WDR47: variants seen among roughly 807,000 people sequenced by gnomAD.
WDR47 encodes the protein WD repeat domain 47, also known as WD repeat-containing protein 47.
In WDR47, 32 loss-of-function variants were observed where a neutral mutation model predicts 97.2. That is an observed-to-expected ratio of 0.33 (90% CI 0.25 to 0.44). The LOEUF is 0.44. WDR47 is among the 20% of genes least tolerant of loss of function. The pLI is 1.00. For missense variants in WDR47, 782 were observed against 1,102.3 expected, an observed-to-expected ratio of 0.71 and a Z score of 4.11; for synonymous variants, 375 against 373.5, an observed-to-expected ratio of 1.00 and a Z score of -0.05.
At chr1:109,017,407 T>A in intron 3 of WDR47, 111 bp downstream of exon 3, 1 of 854,642 alleles carries the variant, frequency 1.2e-6, no homozygotes, top group Non-Finnish European at 1.9e-6. Flanking sequence ...ATTTGTTTAC[T>A]CTCTGTTCAA....
At chr1:109,001,208 G>A (rs770698127) in intron 7 of WDR47, among the ~76,000 whole-genome samples, 4 of 152,054 alleles carry the variant, frequency 2.6e-5, no homozygotes, top group Admixed American at 6.6e-5. Flanking sequence ...AGAATTGCTC[G>A]AACTCAGGAG....
At chr1:109,018,274 C>G (rs1661566090) in intron 2 of WDR47, among the ~76,000 whole-genome samples, 1 of 151,626 alleles carries the variant, frequency 6.6e-6, no homozygotes, top group Non-Finnish European at 1.5e-5. Context: ...CATGGCGAAA[C>G]CCCGTCTCTA....
At chr1:109,022,858 T>C (rs1557956758) in intron 2 of WDR47, among the ~76,000 whole-genome samples, 1 of 151,058 alleles carries the variant, frequency 6.6e-6, no homozygotes, top group African/African-American at 2.4e-5. Context: ...AGTGCTGGGA[T>C]TACAGGCGTG....
intron 5 of WDR47, among the ~76,000 whole-genome samples, chr1:109,007,083 A>G (rs1050148867): frequency 2.0e-5 from 3 of 150,514 alleles, no homozygotes; most frequent in African/African-American, 7.3e-5. Context: ...GACTACAGGC[A>G]CACGCCACCA....
intron 7 of WDR47, among the ~76,000 whole-genome samples, chr1:109,000,915 G>T (rs337298): frequency 0.87 from 132,520 of 152,184 alleles, 58,060 homozygotes; most frequent in East Asian, 1. Flanking sequence ...CAGAACTGTT[G>T]TAAGCACATT....
At chr1:109,038,779 C>T (rs534759696) in intron 1 of WDR47, among the ~76,000 whole-genome samples, 13 of 152,236 alleles carry the variant, frequency 8.5e-5, no homozygotes, top group Middle Eastern at 3.4e-3. Context: ...GCATTCAAGA[C>T]CAGCCTGGCC....
intron 6 of WDR47, among the ~76,000 whole-genome samples, chr1:109,004,123 G>C (rs1228575496): frequency 6.6e-6 from 1 of 152,036 alleles, no homozygotes; most frequent in Non-Finnish European, 1.5e-5. Context: ...AAATCAGCCA[G>C]GTGTGGTGGC....
intron 7 of WDR47, among the ~76,000 whole-genome samples, chr1:108,999,493 C>CAGG (rs550909355): frequency 4.9e-4 from 75 of 151,884 alleles, no homozygotes; most frequent in South Asian, 1.3e-3. Context: ...TGCCTGAGCT[C>CAGG]AGGAGTTCAA....
At chr1:108,990,455 T>G (rs1420651823) in intron 9 of WDR47, among the ~76,000 whole-genome samples, 1 of 152,112 alleles carries the variant, frequency 6.6e-6, no homozygotes, top group Non-Finnish European at 1.5e-5. Context: ...ATGATCCAAC[T>G]GCCTCAGCCT....
chr1:108,993,978 T>C (rs558669602), intron 8 of WDR47, among the ~76,000 whole-genome samples: 2 of 152,320 alleles, frequency 1.3e-5, no homozygotes, highest in African/African-American at 4.8e-5. Context: ...AGTAATGTGA[T>C]ACTGATTTAA....
intron 13 of WDR47, among the ~76,000 whole-genome samples, chr1:108,979,808 C>T (rs1027909823): frequency 9.9e-5 from 15 of 152,160 alleles, no homozygotes; most frequent in African/African-American, 3.1e-4. Flanking sequence ...CAGGGCAATG[C>T]TGTTTTTCTT....
At chr1:108,983,092 G>A (rs758320331) in intron 11 of WDR47, among the ~76,000 whole-genome samples, 190 bp downstream of exon 11, 1 of 151,958 alleles carries the variant, frequency 6.6e-6, no homozygotes, top group Non-Finnish European at 1.5e-5. Context: ...ACACCACCTA[G>A]ACACCTGTAA....
intron 3 of WDR47, 66 bp from the exon 4 acceptor site, chr1:109,013,991 A>G: frequency 8.5e-7 from 1 of 1,182,054 alleles, no homozygotes; most frequent in Non-Finnish European, 1.2e-6. Flanking sequence ...AGAAGTTACT[A>G]TGTAAGTACT....
At chr1:109,037,619 C>T (rs34988884) in intron 1 of WDR47, among the ~76,000 whole-genome samples, 15,050 of 139,500 alleles carry the variant, frequency 0.11, 913 homozygotes, top group African/African-American at 0.15. Flanking sequence ...AGAGCGAGAC[C>T]TCGTCTCAAA....
intron 1 of WDR47, among the ~76,000 whole-genome samples, chr1:109,038,807 T>C (rs1663135957): frequency 6.6e-6 from 1 of 152,042 alleles, no homozygotes; most frequent in Non-Finnish European, 1.5e-5. Context: ...TGAAACCCTG[T>C]CTCTACTAAA....
intron 1 of WDR47, among the ~76,000 whole-genome samples, chr1:109,029,869 T>G (rs1227899516): frequency 6.9e-6 from 1 of 145,572 alleles, no homozygotes; most frequent in East Asian, 2.0e-4. Context: ...GAGAAAGACT[T>G]CGTCTCAAAA....
intron 8 of WDR47, chr1:108,992,431 T>C: frequency 1.2e-6 from 2 of 1,600,030 alleles, no homozygotes. Flanking sequence ...ATCTGAAAGA[T>C]GTCACTTTAC....
At chr1:109,034,306 TG>T (rs1282504155) in intron 1 of WDR47, among the ~76,000 whole-genome samples, 1 of 152,158 alleles carries the variant, frequency 6.6e-6, no homozygotes, top group Non-Finnish European at 1.5e-5. Flanking sequence ...TAAACTTAAA[TG>T]TAGACTACCC....
intron 1 of WDR47, chr1:109,029,975 A>T: frequency 2.6e-6 from 1 of 388,470 alleles, no homozygotes; most frequent in Non-Finnish European, 4.5e-6. Flanking sequence ...TTCATGAAAA[A>T]ATATCACTGG....
Sources: gnomAD v4.1 joint callset for allele counts (sites outside exome capture counted in the v4.1 genomes callset) on GRCh38, gnomAD v4.1.1 for gene constraint, MANE v1.5 for transcripts, NCBI Gene and HGNC (gene_info 2026-07-23, HGNC 2026-07-21) for gene names.